Variants in ARID2 observed in about 807,000 individuals in gnomAD.
ARID2 encodes the protein AT-rich interactive domain-containing protein 2.
In ARID2, 32 loss-of-function variants were observed where a neutral mutation model predicts 184.6. That is an observed-to-expected ratio of 0.17 (90% CI 0.13 to 0.23). The LOEUF is 0.23. ARID2 is among the 10% of genes least tolerant of loss of function. ARID2 has a pLI of 1.00. For synonymous variants in ARID2, 836 were observed against 772.6 expected (o/e 1.08, Z -1.36); for missense variants, 1,696 against 2,197.6 (o/e 0.77, Z 4.56).
intron 3 of ARID2, among the ~76,000 whole-genome samples, chr12:45,810,354 G>A (rs1433538574): frequency 6.6e-6 from 1 of 152,044 alleles, no homozygotes; most frequent in African/African-American, 2.4e-5. Context: ...TGATACAGTG[G>A]GGGGATACAC....
At chr12:45,817,570 T>TTA (rs999976238) in intron 4 of ARID2, 100 bp from the exon 5 acceptor site, 59 of 264,638 alleles carry the variant, frequency 2.2e-4, no homozygotes, top group South Asian at 3.0e-4. Context: ...TTTATATATA[T>TTA]TATATATATA....
intron 16 of ARID2, among the ~76,000 whole-genome samples, chr12:45,871,221 TTTTG>T (rs1186230504): frequency 2.0e-5 from 3 of 152,216 alleles, no homozygotes; most frequent in South Asian, 2.1e-4. Context: ...CTGAGCATCT[TTTTG>T]TTTGTTTATT....
At chr12:45,802,644 A>G (rs1489493330) in intron 3 of ARID2, among the ~76,000 whole-genome samples, 1 of 152,188 alleles carries the variant, frequency 6.6e-6, no homozygotes, top group Non-Finnish European at 1.5e-5. Context: ...TTTGAGAAGT[A>G]AGGCATATAA....
chr12:45,740,867 T>G lies in ARID2; in HGVS notation c.284+9553T>G, dbSNP rs76924939. 7.7e-3 allele frequency among the ~76,000 whole-genome samples: 1,170 copies of G among 152,310 alleles called. 6 individuals carry two copies. The highest frequency in any genetic ancestry group is 0.012 in the Non-Finnish European group (813 of 68,016). On this transcript the variant is annotated intron_variant, in intron 3 of 20. Coordinates refer to ENST00000334344, the MANE Select transcript of ARID2 (RefSeq NM_152641.4). ...GAGTTGTCTAATATTTTTTCAGGAT[T>G]TAAGTTAGGCATTTTTGGCAAGAGA...
In ARID2 at chr12:45,901,333, G is replaced by A. The variant is rs1470262490; in HGVS notation, c.5364-3601G>A. ...CTACAGGCGCCCACCACCATGCCCC[G>A]CTAATATTTTGTATATTTAGTAGAG... On this transcript the variant is annotated intron_variant, in intron 20 of 20. Transcript: ENST00000334344. Among the ~76,000 whole-genome samples, 4 of 150,682 alleles carry A rather than the reference G, an allele frequency of 2.7e-5. No homozygotes were observed. The South Asian group carries it at 6.3e-4, about 24-fold the overall frequency.
chr12:45,749,598 C>G (rs1290146959), intron 3 of ARID2, among the ~76,000 whole-genome samples: 2 of 152,208 alleles, frequency 1.3e-5, no homozygotes, highest in Non-Finnish European at 2.9e-5. Context: ...CAGATGGCAT[C>G]TTCTTCCAAT....
chr12:45,865,432 A>G (rs1327512429), intron 16 of ARID2, among the ~76,000 whole-genome samples: 1 of 151,936 alleles, frequency 6.6e-6, no homozygotes, highest in Non-Finnish European at 1.5e-5. Flanking sequence ...TTTTACAATC[A>G]TTTGTAAAAG....
chr12:45,836,514 C>G lies in ARID2; in HGVS notation c.706-75C>G, dbSNP rs960484068. ...TACAGGCATGAGCCACCATACCTAG[C>G]CTGTGTGTGACTATTTCTAAAGCAA... is the stretch of plus-strand genomic sequence containing the variant. On this transcript the variant is annotated intron_variant, in intron 6 of 20. Coordinates refer to ENST00000334344, the MANE Select transcript of ARID2 (RefSeq NM_152641.4). 35 of 1,381,208 alleles carry G rather than the reference C, an allele frequency of 2.5e-5. No homozygotes were observed. In the African/African-American group the frequency reaches 4.7e-4, roughly 18 times the overall value. The allele number at this position is 1,381,208 out of a possible 1,614,324, so 85.6% of individuals were successfully genotyped here.
chr12:45,883,294 C>T (rs1257860605), intron 16 of ARID2, among the ~76,000 whole-genome samples: 1 of 151,596 alleles, frequency 6.6e-6, no homozygotes, highest in Non-Finnish European at 1.5e-5. Flanking sequence ...ACATTGAATA[C>T]CAAAGAATTT....
chr12:45,885,048 C>A (rs531161678), intron 16 of ARID2, among the ~76,000 whole-genome samples: 3 of 151,614 alleles, frequency 2.0e-5, no homozygotes, highest in South Asian at 4.2e-4. Context: ...AAATTAATTT[C>A]TCTTTAATAG....
intron 6 of ARID2, among the ~76,000 whole-genome samples, chr12:45,826,246 A>G (rs1387037544): frequency 6.6e-6 from 1 of 152,102 alleles, no homozygotes; most frequent in Non-Finnish European, 1.5e-5. Flanking sequence ...TTTTTTACAA[A>G]ACAGTTCCAC....
intron 6 of ARID2, among the ~76,000 whole-genome samples, chr12:45,823,304 G>T (rs1028199652): frequency 6.6e-6 from 1 of 152,024 alleles, no homozygotes; most frequent in Non-Finnish European, 1.5e-5. Flanking sequence ...AGCAGAAGCA[G>T]TCCTAAGAGG....
intron 3 of ARID2, among the ~76,000 whole-genome samples, chr12:45,800,315 C>A (rs1391766440): frequency 6.6e-6 from 1 of 152,040 alleles, no homozygotes; most frequent in Admixed American, 6.5e-5. Context: ...TCTGAAGACA[C>A]AAAGAACTGT....
chr12:45,794,129 C>T (rs1219560165), intron 3 of ARID2, among the ~76,000 whole-genome samples: 2 of 152,134 alleles, frequency 1.3e-5, no homozygotes, highest in East Asian at 1.9e-4. Context: ...ACCCAGTTGC[C>T]GTCAATCAGA....
intron 16 of ARID2, among the ~76,000 whole-genome samples, chr12:45,886,161 T>G (rs529948216): frequency 3.1e-4 from 47 of 150,152 alleles, no homozygotes; most frequent in African/African-American, 1.1e-3. Flanking sequence ...ATAGAGGCAT[T>G]GAGTATATAT....
rs184871072 is a variant in ARID2 at position 45,813,625 on chromosome 12, T to C, written c.418+2074T>C. On this transcript the variant is annotated intron_variant, in intron 4 of 20. Coordinates refer to ENST00000334344, the MANE Select transcript of ARID2 (RefSeq NM_152641.4). ...TGTATTTATCCAGAGATACTTTTATTGTTGACATTAAGAAAAGCTGTTCTA... is the reference window on the plus strand; with the variant it reads ...TGTATTTATCCAGAGATACTTTTATCGTTGACATTAAGAAAAGCTGTTCTA... Among the ~76,000 whole-genome samples, 33 of 152,258 alleles carry C rather than the reference T, an allele frequency of 2.2e-4. 3 individuals are homozygous for C. Among genetic ancestry groups the C allele is most frequent in the African/African-American group, 7.9e-4 (33 of 41,554 alleles).
At chr12:45,781,466 A>G (rs910319875) in intron 3 of ARID2, among the ~76,000 whole-genome samples, 1 of 146,706 alleles carries the variant, frequency 6.8e-6, no homozygotes, top group Non-Finnish European at 1.5e-5. Flanking sequence ...ATGTTTTGGA[A>G]TAAAGGTCAG....
intron 3 of ARID2, among the ~76,000 whole-genome samples, chr12:45,796,664 C>T (rs1200306572): frequency 6.6e-6 from 1 of 152,146 alleles, no homozygotes; most frequent in Admixed American, 6.5e-5. Context: ...CAGGCACATG[C>T]CACCATGCCC....
At chr12:45,904,261 T>C (rs1944493115) in intron 20 of ARID2, 3 of 683,554 alleles carry the variant, frequency 4.4e-6, no homozygotes, top group African/African-American at 1.8e-5. Context: ...ACAATATAAT[T>C]TTAATTTCAT....
Sources: allele counts gnomAD v4.1 joint callset (sites outside exome capture counted in the v4.1 genomes callset), GRCh38; gene constraint gnomAD v4.1.1; transcripts MANE v1.5; gene names NCBI Gene and HGNC (gene_info 2026-07-23, HGNC 2026-07-21).